GFRA1: variants seen among roughly 807,000 people sequenced by gnomAD.
GFRA1 encodes GDNF family receptor alpha 1.
GFRA1 carries 16 observed loss-of-function variants against 51.6 expected under a neutral mutation model. That is an observed-to-expected ratio of 0.31 (90% CI 0.21 to 0.47). The LOEUF (loss-of-function observed/expected upper bound fraction) is 0.47. Ranked by LOEUF, GFRA1 falls within the 20% of genes least tolerant of loss-of-function variation. The pLI is 1.00. For missense variants in GFRA1, 530 were observed against 594.3 expected (o/e 0.89, Z 1.13); for synonymous variants, 270 against 241.3 (o/e 1.12, Z -1.10).
intron 6 of GFRA1, among the ~76,000 whole-genome samples, chr10:116,108,537 T>C (rs565221749): frequency 2.5e-4 from 36 of 146,484 alleles, no homozygotes; most frequent in Non-Finnish European, 4.9e-4. Flanking sequence ...GCATTTAATG[T>C]TTCTCCTTTT....
intron 4 of GFRA1, among the ~76,000 whole-genome samples, chr10:116,268,918 A>G (rs566265612): frequency 1.3e-5 from 2 of 152,346 alleles, no homozygotes; most frequent in South Asian, 4.1e-4. Flanking sequence ...GCGAGACTAC[A>G]TTTAAAAGGG....
rs558694643 is a variant in GFRA1 at position 116,092,620 on chromosome 10, C to A, written c.1015+1082G>T. Among the ~76,000 whole-genome samples the A allele has an allele frequency of 7.0e-4, 106 of 152,128 alleles. 2 individuals carry two copies. The South Asian group carries it at 0.021, about 30-fold the overall frequency. ...TCTCATCCAACAGGCTCCTCAACATCGGGGTGAACAAAGCTCTTAGGACAC... is the reference window on the plus strand; with the variant it reads ...TCTCATCCAACAGGCTCCTCAACATAGGGGTGAACAAAGCTCTTAGGACAC... On this transcript the variant is annotated intron_variant, in intron 8 of 10. Transcript: ENST00000355422.
At chr10:116,210,008 C>G (rs1397620021) in intron 5 of GFRA1, among the ~76,000 whole-genome samples, 1 of 152,162 alleles carries the variant, frequency 6.6e-6, no homozygotes, top group East Asian at 1.9e-4. Flanking sequence ...CTTGCGGCTT[C>G]CATCTCTGGC....
chr10:116,240,305 C>T (rs1313851138), intron 4 of GFRA1, among the ~76,000 whole-genome samples: 2 of 152,192 alleles, frequency 1.3e-5, no homozygotes, highest in South Asian at 2.1e-4. Flanking sequence ...CTCTCAACGC[C>T]GTGCTCCATG....
intron 9 of GFRA1, among the ~76,000 whole-genome samples, chr10:116,074,586 A>C (rs1012497048): frequency 3.9e-5 from 6 of 152,190 alleles, no homozygotes; most frequent in Non-Finnish European, 7.4e-5. Flanking sequence ...CCAAGATGCC[A>C]GTGGTGAGTG....
chr10:116,204,475 A>G (rs1964576192), intron 5 of GFRA1, among the ~76,000 whole-genome samples: 1 of 152,210 alleles, frequency 6.6e-6, no homozygotes, highest in Admixed American at 6.5e-5. Flanking sequence ...TCATTCTTCA[A>G]TGATCAGAAC....
Position 116,167,300 on chromosome 10 carries a change from C to G in GFRA1, c.434-41743G>C, listed in dbSNP as rs961931246. On this transcript the variant is annotated intron_variant, in intron 5 of 10. Coordinates refer to ENST00000355422, the MANE Select transcript of GFRA1 (RefSeq NM_005264.8). The stretch of plus-strand genomic sequence containing the variant: ...CCCATCGCCAATGATTTAAATCCCA[C>G]CCAGCATTGCAGGTGGGGCTCCATT... Among the ~76,000 whole-genome samples the G allele has an allele frequency of 3.3e-5, 5 of 152,248 alleles. No individual in the cohort carries two copies. The East Asian group carries it at 9.7e-4, about 30-fold the overall frequency.
At chr10:116,181,833 T>C (rs9651468) in intron 5 of GFRA1, among the ~76,000 whole-genome samples, 143,698 of 152,164 alleles carry the variant, frequency 0.94, 67,871 homozygotes, top group Admixed American at 0.97. Context: ...TTAGTAGAGA[T>C]AGGGTTTCGC....
At chr10:116,182,198 T>C (rs1962297992) in intron 5 of GFRA1, among the ~76,000 whole-genome samples, 1 of 151,928 alleles carries the variant, frequency 6.6e-6, no homozygotes, top group Non-Finnish European at 1.5e-5. Context: ...TGAAAAGGAC[T>C]GTCCCTTGTA....
At chr10:116,233,367 C>T (rs139105124) in intron 4 of GFRA1, among the ~76,000 whole-genome samples, 132 of 152,120 alleles carry the variant, frequency 8.7e-4, no homozygotes, top group African/African-American at 2.0e-3. Flanking sequence ...AATCAGCTTT[C>T]GGAGTACACT....
chr10:116,075,845 C>T (rs546848285), intron 9 of GFRA1, among the ~76,000 whole-genome samples: 3 of 152,160 alleles, frequency 2.0e-5, no homozygotes, highest in African/African-American at 7.2e-5. Flanking sequence ...CCCGGGTTCA[C>T]GCCATTCTCC....
At chr10:116,212,281 A>G (rs1965250172) in intron 4 of GFRA1, among the ~76,000 whole-genome samples, 1 of 152,088 alleles carries the variant, frequency 6.6e-6, no homozygotes, top group Non-Finnish European at 1.5e-5. Context: ...GCACTTTGAG[A>G]GGCTGAGGCA....
At chr10:116,089,301 A>G (rs1168635904) in intron 9 of GFRA1, among the ~76,000 whole-genome samples, 1 of 152,196 alleles carries the variant, frequency 6.6e-6, no homozygotes, top group Non-Finnish European at 1.5e-5. Flanking sequence ...TCTCTGGTTT[A>G]CCTTTAGAGA....
At chr10:116,151,623 G>T (rs527966355) in intron 5 of GFRA1, among the ~76,000 whole-genome samples, 6 of 152,022 alleles carry the variant, frequency 3.9e-5, no homozygotes, top group Admixed American at 3.9e-4. Context: ...AAGAGGGAGA[G>T]CCCCTATGGA....
intron 4 of GFRA1, among the ~76,000 whole-genome samples, chr10:116,241,503 G>A (rs11591628): frequency 0.018 from 2,813 of 152,298 alleles, 31 homozygotes; most frequent in Admixed American, 0.032. Flanking sequence ...ATCCTCACCT[G>A]ATCCAAGTGG....
At chr10:116,216,623 GCTTT>G (rs1965582578) in intron 4 of GFRA1, among the ~76,000 whole-genome samples, 1 of 152,070 alleles carries the variant, frequency 6.6e-6, no homozygotes, top group Admixed American at 6.6e-5. Flanking sequence ...TCTCAATTTT[GCTTT>G]CTTTTCTAGG....
chr10:116,105,655 T>C (rs923440711), intron 6 of GFRA1, among the ~76,000 whole-genome samples: 5 of 152,170 alleles, frequency 3.3e-5, no homozygotes, highest in Admixed American at 6.5e-5. Flanking sequence ...ATAGAGGCAG[T>C]GGTTTAGCTA....
chr10:116,064,516 G>A lies in GFRA1; in HGVS notation c.1280C>T (p.Ala427Val), dbSNP rs78734917. 1 of 1,613,156 alleles carries A rather than the reference G, an allele frequency of 6.2e-7. No individual in the cohort carries two copies. Among genetic ancestry groups the A allele is most frequent in the Non-Finnish European group, 8.5e-7 (1 of 1,179,384 alleles). Residue 427 changes from alanine to valine, a missense_variant, in exon 11 of 11, where the codon GCT (alanine) becomes GTT (valine). Coordinates refer to ENST00000355422, the MANE Select transcript of GFRA1 (RefSeq NM_005264.8). Reference sequence around the variant, plus strand: ...TGATTTTGTGGTTATGTGGCTGGAAGCACCGAGACCTTCTTTTTCATAATT... The same window carrying A: ...TGATTTTGTGGTTATGTGGCTGGAAACACCGAGACCTTCTTTTTCATAATT... ...NGNYEKEGLGASSHITTKSMA... is the reference protein window; with the variant it reads ...NGNYEKEGLGVSSHITTKSMA...
intron 4 of GFRA1, among the ~76,000 whole-genome samples, chr10:116,213,441 A>T (rs1238217490): frequency 1.3e-5 from 2 of 152,194 alleles, no homozygotes; most frequent in Non-Finnish European, 2.9e-5. Flanking sequence ...AACTGTGACA[A>T]TGGTCACAGA....
Sources: gnomAD v4.1 joint callset for allele counts (sites outside exome capture counted in the v4.1 genomes callset) on GRCh38, gnomAD v4.1.1 for gene constraint, MANE v1.5 for transcripts, NCBI Gene and HGNC (gene_info 2026-07-23, HGNC 2026-07-21) for gene names.